MACF1: variants seen among roughly 807,000 people sequenced by gnomAD.
MACF1 encodes microtubule actin crosslinking factor 1, also known as microtubule-actin cross-linking factor 1.
MACF1 carries 193 observed loss-of-function variants against 854.8 expected under a neutral mutation model. The ratio of observed to expected loss-of-function variants is 0.23; its 90% CI spans 0.20 to 0.25. The LOEUF is 0.25. Ranked by LOEUF, MACF1 falls within the 10% of genes least tolerant of loss-of-function variation. The pLI, the probability that MACF1 is intolerant of heterozygous loss-of-function variation, is 1.00. For synonymous variants in MACF1, 3,185 were observed against 3,226.7 expected (o/e 0.99, Z 0.44); for missense variants, 7,722 against 8,929.1 (o/e 0.86, Z 5.45).
At chr1:39,239,321 C>T (rs548660217) in intron 2 of MACF1, among the ~76,000 whole-genome samples, 32 of 151,940 alleles carry the variant, frequency 2.1e-4, no homozygotes, top group South Asian at 6.2e-4. Flanking sequence ...ACAAAAAACA[C>T]CACAAACCAG....
At chr1:39,361,075 G>C in intron 48 of MACF1, 74 bp downstream of exon 48, 1 of 1,244,802 alleles carries the variant, frequency 8.0e-7, no homozygotes, top group South Asian at 1.3e-5. Context: ...TGTTGAAAAA[G>C]TAACAAGAGG....
At chr1:39,298,838 C>T (rs1645979095) in intron 21 of MACF1, among the ~76,000 whole-genome samples, 1 of 151,938 alleles carries the variant, frequency 6.6e-6, no homozygotes, top group African/African-American at 2.4e-5. Flanking sequence ...TCTCCTCCCT[C>T]CCACAGAGTA....
chr1:39,452,392 G>A (rs770127299), intron 86 of MACF1, 42 bp downstream of exon 86: 2 of 1,560,460 alleles, frequency 1.3e-6, no homozygotes, highest in Non-Finnish European at 1.7e-6. Flanking sequence ...ATAGATCTGA[G>A]TGGGTTTATT....
chr1:39,351,068 T>G, intron 43 of MACF1, 50 bp downstream of exon 43: 3 of 1,380,094 alleles, frequency 2.2e-6, no homozygotes, highest in Non-Finnish European at 3.0e-6. Flanking sequence ...AAAATTTTGG[T>G]ACCAACACAA....
At chr1:39,432,039 T>C (rs1225362480) in intron 66 of MACF1, among the ~76,000 whole-genome samples, 1 of 152,156 alleles carries the variant, frequency 6.6e-6, no homozygotes. Context: ...ACGTAGAACA[T>C]GTTCTTGGTT....
At chr1:39,448,296 T>G in intron 83 of MACF1, 144 bp downstream of exon 83, 1 of 959,946 alleles carries the variant, frequency 1.0e-6, no homozygotes, top group Non-Finnish European at 1.6e-6. Context: ...GGGTTCCATT[T>G]TATATCTAGA....
chr1:39,208,711 G>A (rs1463432942), intron 1 of MACF1, among the ~76,000 whole-genome samples: 13 of 151,992 alleles, frequency 8.6e-5, no homozygotes, highest in African/African-American at 7.2e-5. Context: ...TGCAACCCCC[G>A]CCTCCCGGGT....
chr1:39,171,668 C>A (rs1008789794), intron 2 of MACF1, among the ~76,000 whole-genome samples: 3 of 152,184 alleles, frequency 2.0e-5, no homozygotes, highest in Non-Finnish European at 4.4e-5. Context: ...CTCTGTCGCC[C>A]AAGCTGGAGT....
chr1:39,134,853 T>C (rs1643124098), intron 2 of MACF1, among the ~76,000 whole-genome samples: 2 of 152,218 alleles, frequency 1.3e-5, no homozygotes, highest in Admixed American at 6.5e-5. Context: ...GTACATTCAC[T>C]TGATTGTTGT....
chr1:39,448,634 A>G lies in MACF1; in HGVS notation c.20129A>G (p.Asp6710Gly), dbSNP rs777878865. 1.2e-6 allele frequency: 2 copies of G among 1,611,184 alleles called. No individual in the cohort carries two copies. The highest frequency in any genetic ancestry group is 2.2e-5 in the South Asian group (2 of 90,656). ...CTTGGTGGCAAGCAGCCTGTGTATG[A>G]TACCACAATTAGAACTGGCAGAGCA... ...KTLGGKQPVY[D>G]TTIRTGRALK... The change falls in exon 84 of 101, where the codon GAT becomes GGT. Residue 6710 changes from aspartate to glycine, a missense_variant. By Grantham distance (94) the Asp-to-Gly change is moderately conservative. Around this residue, in one of 15 missense-constraint regions of MACF1, gnomAD observed 729 missense variants for 900.5 expected, o/e 0.81. Transcript: ENST00000564288.
chr1:39,476,799 T>C (rs946458189), intron 97 of MACF1, among the ~76,000 whole-genome samples: 1 of 151,486 alleles, frequency 6.6e-6, no homozygotes, highest in Non-Finnish European at 1.5e-5. Context: ...CTGATTTTTT[T>C]AATATATACA....
chr1:39,444,883 T>G, intron 80 of MACF1, 48 bp downstream of exon 80: 1 of 1,470,872 alleles, frequency 6.8e-7, no homozygotes, highest in Non-Finnish European at 9.2e-7. Context: ...AGTGATTGCA[T>G]GTATAATAAT....
chr1:39,104,493 G>C (rs940685653), intron 2 of MACF1, among the ~76,000 whole-genome samples: 1 of 152,050 alleles, frequency 6.6e-6, no homozygotes, highest in Non-Finnish European at 1.5e-5. Flanking sequence ...TTCCCTAACA[G>C]TCCTGGTTCC....
chr1:39,104,651 C>A (rs779629797), intron 2 of MACF1, among the ~76,000 whole-genome samples: 1 of 152,198 alleles, frequency 6.6e-6, no homozygotes, highest in Non-Finnish European at 1.5e-5. Context: ...TTCAGAATCC[C>A]GTTTTCGTGC....
At chr1:39,188,822 T>C (rs935119004) in intron 2 of MACF1, among the ~76,000 whole-genome samples, 1 of 152,166 alleles carries the variant, frequency 6.6e-6, no homozygotes, top group Non-Finnish European at 1.5e-5. Context: ...CAGGCTGGTC[T>C]CGAACTCCTG....
rs1647067221 is a variant in MACF1 at position 39,347,051 on chromosome 1, A to C, written c.10656A>C (p.Ser3552=). 1 of 1,614,050 alleles carries C rather than the reference A, an allele frequency of 6.2e-7. No homozygotes were observed. The highest frequency in any genetic ancestry group is 1.7e-5 in the Admixed American group (1 of 59,988). The change falls in exon 41 of 101, where the codon TCA becomes TCC. Residue 3552 remains serine (S), a synonymous_variant. Coordinates refer to ENST00000564288, the MANE Select transcript of MACF1 (RefSeq NM_001394062.1). ...CTTTTGATATTCAGTTCTTTATCTC[A>C]GAACATGCCCAGGACTTGTCCCCTC... The part of the protein sequence containing the change: ...ALAFDIQFFI[S]EHAQDLSPQQ...
Position 39,177,747 on chromosome 1 carries a change from A to G in MACF1, c.221-53435A>G, listed in dbSNP as rs1644050065. Reference sequence around the variant, plus strand: ...ACATCTCAGTTTTGCTCCGGGCACTATTTCCTTTGCCATCTATACCAGAAG... The same window carrying G: ...ACATCTCAGTTTTGCTCCGGGCACTGTTTCCTTTGCCATCTATACCAGAAG... On this transcript the variant is annotated intron_variant, in intron 2 of 93. Transcript: ENST00000361689. 3.3e-5 allele frequency among the ~76,000 whole-genome samples: 5 copies of G among 152,186 alleles called. No homozygotes were observed. The South Asian group carries it at 1.0e-3, about 32-fold the overall frequency.
Position 39,333,383 on chromosome 1 carries a change from T to C in MACF1, c.6795T>C (p.Ser2265=), listed in dbSNP as rs2148471598. The C allele has an allele frequency of 2.5e-6, 4 of 1,614,058 alleles. No individual in the cohort carries two copies. In the East Asian group the frequency reaches 6.7e-5, roughly 27 times the overall value. The change falls in exon 37 of 101, where the codon AGT becomes AGC. Residue 2265 remains serine, a synonymous_variant. Coordinates refer to ENST00000564288, the MANE Select transcript of MACF1 (RefSeq NM_001394062.1). The part of the protein sequence containing the change: ...MMSEKTDEED[S]GREIFLSCSH... ...CAGAAAAGACCGATGAGGAAGATAG[T>C]GGCAGGGAAATTTTTCTGTCATGCA...
chr1:39,337,398 AT>A, intron 38 of MACF1, 67 bp downstream of exon 38: 6 of 1,540,136 alleles, frequency 3.9e-6, no homozygotes, highest in Non-Finnish European at 5.3e-6. Context: ...TTCCTTGAAG[AT>A]TTCAAGACTT....
Sources: allele counts gnomAD v4.1 joint callset (sites outside exome capture counted in the v4.1 genomes callset), GRCh38; gene constraint gnomAD v4.1.1; regional missense constraint gnomAD v4.1.1; transcripts MANE v1.5; gene names NCBI Gene and HGNC (gene_info 2026-07-23, HGNC 2026-07-21).